Variants in COPS4 observed in about 807,000 individuals in gnomAD.
The protein encoded by COPS4 is COP9 signalosome subunit 4, also known as COP9 signalosome complex subunit 4.
COPS4 carries 8 observed loss-of-function variants against 55.1 expected under a neutral mutation model. The ratio of observed to expected loss-of-function variants is 0.15; its 90% CI spans 0.09 to 0.26. The LOEUF is 0.26. Among genes scored for constraint, COPS4 ranks in the 10% least tolerant of loss-of-function variants. The pLI is 1.00. For synonymous variants in COPS4, 185 were observed against 165.7 expected (o/e 1.12, Z -0.90); for missense variants, 248 against 484.0 (o/e 0.51, Z 4.58).
chr4:83,039,488 A>G (rs1276073748), intron 1 of COPS4, among the ~76,000 whole-genome samples: 2 of 152,206 alleles, frequency 1.3e-5, no homozygotes, highest in Non-Finnish European at 2.9e-5. Flanking sequence ...GTTGTATTGT[A>G]AAGGGACATG....
At chr4:83,049,788 G>A in intron 3 of COPS4, 93 bp from the exon 4 acceptor site, 1 of 780,690 alleles carries the variant, frequency 1.3e-6, no homozygotes, top group Non-Finnish European at 2.1e-6. Flanking sequence ...AGCTTAGTAT[G>A]TTGAATTGCC....
chr4:83,073,215 AC>A, intron 9 of COPS4: 1 of 671,796 alleles, frequency 1.5e-6, no homozygotes, highest in Admixed American at 2.1e-5. Flanking sequence ...GCTTCTGGCA[AC>A]CACCAATCCA....
chr4:83,037,498 T>A (rs992579317), intron 1 of COPS4, among the ~76,000 whole-genome samples: 1 of 152,222 alleles, frequency 6.6e-6, no homozygotes, highest in Non-Finnish European at 1.5e-5. Context: ...TAGCCATAAC[T>A]CCTTCAGAGC....
chr4:83,053,961 T>A (rs1730953766), intron 4 of COPS4, among the ~76,000 whole-genome samples: 1 of 152,080 alleles, frequency 6.6e-6, no homozygotes, highest in Non-Finnish European at 1.5e-5. Context: ...ACGAGAAGGA[T>A]GAAAGGTATG....
intron 6 of COPS4, among the ~76,000 whole-genome samples, chr4:83,058,485 C>T (rs1731071375): frequency 6.6e-6 from 1 of 152,220 alleles, no homozygotes. Context: ...TCCCAAAGTG[C>T]TGAGATTACA....
intron 7 of COPS4, chr4:83,065,288 TATGTG>T: frequency 2.4e-6 from 1 of 413,694 alleles, no homozygotes; most frequent in Non-Finnish European, 4.3e-6. Flanking sequence ...AGATTAGAGA[TATGTG>T]ATCATTATCA....
chr4:83,040,139 A>C (rs1029949840), intron 1 of COPS4, among the ~76,000 whole-genome samples: 13 of 152,136 alleles, frequency 8.5e-5, no homozygotes, highest in South Asian at 2.1e-4. Flanking sequence ...TAAGTACTCC[A>C]TTGAGTTTCT....
intron 3 of COPS4, 164 bp downstream of exon 3, chr4:83,049,481 T>A: frequency 1.7e-6 from 1 of 576,818 alleles, no homozygotes; most frequent in Non-Finnish European, 2.9e-6. Flanking sequence ...TATTAGGTTG[T>A]TACAACTCCA....
chr4:83,035,912 T>C (rs1730404397), intron 1 of COPS4: 1 of 153,122 alleles, frequency 6.5e-6, no homozygotes, highest in Admixed American at 6.5e-5. Flanking sequence ...ATGTCTACAG[T>C]AGTGATGTTT....
intron 6 of COPS4, among the ~76,000 whole-genome samples, chr4:83,058,074 G>T (rs892780823): frequency 6.8e-6 from 1 of 146,372 alleles, no homozygotes; most frequent in South Asian, 2.1e-4. Flanking sequence ...CTGCTTTTGG[G>T]TTTTTTTTTT....
chr4:83,063,919 C>T (rs1241281359), intron 7 of COPS4, among the ~76,000 whole-genome samples: 2 of 152,108 alleles, frequency 1.3e-5, no homozygotes, highest in Non-Finnish European at 2.9e-5. Flanking sequence ...AGGCTGATCT[C>T]GGACTCCTGA....
chr4:83,055,796 G>C (rs1190915739), intron 4 of COPS4, among the ~76,000 whole-genome samples: 2 of 151,938 alleles, frequency 1.3e-5, no homozygotes, highest in Non-Finnish European at 2.9e-5. Flanking sequence ...ATCATAATGG[G>C]TGATTTCCAA....
intron 6 of COPS4, among the ~76,000 whole-genome samples, chr4:83,059,342 G>A (rs1731101572): frequency 6.6e-6 from 1 of 151,892 alleles, no homozygotes; most frequent in Non-Finnish European, 1.5e-5. Context: ...GAAATTATAT[G>A]TAGTTGTAAA....
At chr4:83,075,048 T>A (rs1578726173) in intron 9 of COPS4, among the ~76,000 whole-genome samples, 1 of 151,692 alleles carries the variant, frequency 6.6e-6, no homozygotes, top group Admixed American at 6.6e-5. Context: ...ACTCAGGAGG[T>A]GGAGGTTGCA....
At chr4:83,075,153 A>C (rs972770609) in intron 9 of COPS4, 144 bp from the exon 10 acceptor site, 1 of 659,506 alleles carries the variant, frequency 1.5e-6, no homozygotes. Context: ...ATTTTTTTTG[A>C]ATAGCTTTTT....
rs562327834 is a variant in COPS4, at chr4:83,044,172, C to T, written c.75-1454C>T. ...AAAAAATATTACAATTGGCTGGGCG[C>T]GGTGGCTCACGCCTGTAATCCCAGC... On this transcript the variant is annotated intron_variant, in intron 1 of 9. Coordinates refer to ENST00000264389, the MANE Select transcript of COPS4 (RefSeq NM_016129.3). Among the ~76,000 whole-genome samples, 9 of 152,292 alleles carry T rather than the reference C, an allele frequency of 5.9e-5. No individual in the cohort carries two copies. The East Asian group carries it at 1.5e-3, about 26-fold the overall frequency.
intron 9 of COPS4, among the ~76,000 whole-genome samples, chr4:83,069,278 A>C (rs1731361924): frequency 6.6e-6 from 1 of 152,184 alleles, no homozygotes; most frequent in African/African-American, 2.4e-5. Flanking sequence ...TTCCACTTGC[A>C]AAATTTTTAT....
In COPS4 at chr4:83,045,496, A is replaced by G. The variant is rs72931119; in HGVS notation, c.75-130A>G. 3,535 of 601,606 alleles carry G rather than the reference A, an allele frequency of 5.9e-3. 97 individuals carry two copies. Among genetic ancestry groups the G allele is most frequent in the African/African-American group, 0.055 (2,959 of 54,200 alleles). The allele number at this position is 601,606 out of a possible 1,614,324, so 37.3% of individuals were successfully genotyped here. On this transcript the variant is annotated intron_variant, in intron 1 of 9. Coordinates refer to ENST00000264389, the MANE Select transcript of COPS4 (RefSeq NM_016129.3). The stretch of plus-strand genomic sequence containing the variant: ...CTTAAAAAAAAATCTGTGGTATACT[A>G]TAAAGAAAACCACAAACTATAGTAC...
At chr4:83,065,207 TA>T (rs1731265596) in intron 7 of COPS4, 2 of 452,024 alleles carry the variant, frequency 4.4e-6, no homozygotes, top group Non-Finnish European at 7.8e-6. Context: ...TTGAGATATT[TA>T]TAAAATTACT....
Sources: allele counts gnomAD v4.1 joint callset (sites outside exome capture counted in the v4.1 genomes callset), GRCh38; gene constraint gnomAD v4.1.1; transcripts MANE v1.5; gene names NCBI Gene and HGNC (gene_info 2026-07-23, HGNC 2026-07-21).